Variants in MROH6 observed in about 807,000 individuals in gnomAD.
MROH6 encodes the protein maestro heat like repeat family member 6.
A neutral mutation model predicts 67.7 loss-of-function variants in MROH6; 62 were observed. The observed-to-expected ratio is 0.92, with a 90% CI of 0.75 to 1.13. The LOEUF (loss-of-function observed/expected upper bound fraction) is 1.13. MROH6 is among the 50% of genes most tolerant of loss of function. The pLI is 0.00. For synonymous variants in MROH6, 566 were observed against 470.8 expected (o/e 1.20, Z -2.62); for missense variants, 1,175 against 1,029.1 (o/e 1.14, Z -1.94).
Position 143,568,498 on chromosome 8 carries a change from G to C in MROH6, c.1644+54C>G, listed in dbSNP as rs1823767214. On this transcript the variant is annotated intron_variant, in intron 10 of 13. Coordinates refer to ENST00000398882, the MANE Select transcript of MROH6 (RefSeq NM_001100878.2). Reference sequence around the variant, plus strand: ...TAATTGTCGGAGGGGAGGCACGGTGGGAGTGGTGAGTGTTGGATGGCATAG... The same window carrying C: ...TAATTGTCGGAGGGGAGGCACGGTGCGAGTGGTGAGTGTTGGATGGCATAG... The C allele has an allele frequency of 2.0e-6, 3 of 1,471,444 alleles. No homozygotes were observed. In the East Asian group the frequency reaches 7.4e-5, roughly 36 times the overall value. The allele number at this position is 1,471,444 out of a possible 1,614,324, so 91.1% of individuals were successfully genotyped here. A position where few individuals can be genotyped will look rare whatever the true frequency, so the allele number is the denominator to read the frequency against.
Position 143,572,453 on chromosome 8 carries a change from C to T in MROH6, c.262G>A (p.Ala88Thr). Reference sequence around the variant, plus strand: ...GGCCCCTCAGGGGCTGGTTCCAGGGCACTGTTGAGGGAGCAGGGCTCGCTG... The same window carrying T: ...GGCCCCTCAGGGGCTGGTTCCAGGGTACTGTTGAGGGAGCAGGGCTCGCTG... Reference protein sequence around the residue: ...AGSEPCSLNSALEPAPEGPHQ... With the variant: ...AGSEPCSLNSTLEPAPEGPHQ... The change falls in exon 1 of 14, where the codon GCC (alanine) becomes ACC (threonine). Residue 88 changes from alanine to threonine, a missense_variant. By Grantham distance (58) the Ala-to-Thr change is moderately conservative. Coordinates refer to ENST00000398882, the MANE Select transcript of MROH6 (RefSeq NM_001100878.2). The T allele has an allele frequency of 1.3e-6, 2 of 1,596,350 alleles. No individual in the cohort carries two copies. Among genetic ancestry groups the T allele is most frequent in the South Asian group, 1.1e-5 (1 of 89,618 alleles).
rs531137662 is a variant in MROH6 at position 143,571,142 on chromosome 8, C to G, written c.603-148G>C. The G allele has an allele frequency of 3.3e-4, 208 of 637,302 alleles. No homozygotes were observed. In the African/African-American group the frequency reaches 3.4e-3, roughly 11 times the overall value. The allele number at this position is 637,302 out of a possible 1,614,324, so 39.5% of individuals were successfully genotyped here. A position where few individuals can be genotyped will look rare whatever the true frequency, so the allele number is the denominator to read the frequency against. ...CTCCCATCTCCCCCCATCCCCAAAT[C>G]TCAGAGAAACAAATGAAGGGTTAAT... On this transcript the variant is annotated intron_variant, in intron 3 of 13. Transcript: ENST00000398882.
chr8:143,569,601 C>T lies in MROH6; in HGVS notation c.1316G>A (p.Ser439Asn), dbSNP rs1248008878. 11 of 1,577,600 alleles carry T rather than the reference C, an allele frequency of 7.0e-6. No homozygotes were observed. Among genetic ancestry groups the T allele is most frequent in the African/African-American group, 1.3e-5 (1 of 74,178 alleles). The change falls in exon 9 of 14, where the codon AGC becomes AAC. Residue 439 changes from serine (S) to asparagine (N), a missense_variant. Coordinates refer to ENST00000398882, the MANE Select transcript of MROH6 (RefSeq NM_001100878.2). ...GCCCAGGAGCGCCGGCAGCAGCGTG[C>T]TCACGTGCCGCACCTGCTGGGACTC... The part of the protein sequence containing the change: ...ALNRRKVRHV[S>N]TLLPALLGAL...
In MROH6 at chr8:143,567,375, C is replaced by T. The variant is rs1000560171; in HGVS notation, c.2024G>A (p.Arg675Gln). 1.3e-4 allele frequency: 157 copies of T among 1,235,426 alleles called. No individual in the cohort carries two copies. Among genetic ancestry groups the T allele is most frequent in the Non-Finnish European group, 1.5e-4 (145 of 989,254 alleles). The allele number at this position is 1,235,426 out of a possible 1,614,324, so 76.5% of individuals were successfully genotyped here. A position where few individuals can be genotyped will look rare whatever the true frequency, so the allele number is the denominator to read the frequency against. ...AQQVAMLARA[R>Q]GCPRGPRLLR... ...AAGGCGGGGCCCGCGGGGGCAGCCC[C>T]GGGCACGGGCCAGCATCGCCACCTG... The change falls in exon 14 of 14, where the codon CGG becomes CAG. Residue 675 changes from arginine (R) to glutamine (Q), a missense_variant. By Grantham distance (43) the Arg-to-Gln change is conservative (BLOSUM62 1). Coordinates refer to ENST00000398882, the MANE Select transcript of MROH6 (RefSeq NM_001100878.2).
At chr8:143,571,292 G>T (rs1358616155) in intron 3 of MROH6, among the ~76,000 whole-genome samples, 3 of 152,196 alleles carry the variant, frequency 2.0e-5, no homozygotes, top group African/African-American at 7.2e-5. Context: ...TTGCCACAGA[G>T]AATAAAACCA....
At position 143,571,701 on chromosome 8, in the gene MROH6, A is replaced by G; in HGVS notation, c.568T>C (p.Cys190Arg). 1.3e-6 allele frequency: 2 copies of G among 1,552,208 alleles called. No homozygotes were observed. The highest frequency in any genetic ancestry group is 1.7e-6 in the Non-Finnish European group (2 of 1,148,770). The change falls in exon 3 of 14, where the codon TGT becomes CGT. Residue 190 changes from cysteine (C) to arginine (R), a missense_variant. By Grantham distance (180) the Cys-to-Arg change is radical. Coordinates refer to ENST00000398882, the MANE Select transcript of MROH6 (RefSeq NM_001100878.2). ...LALEHARDVVCALLPRSLPAD... is the reference protein window; with the variant it reads ...LALEHARDVVRALLPRSLPAD... The stretch of plus-strand genomic sequence containing the variant: ...GGCAGAGAGCGGGGTAGCAGCGCAC[A>G]CACCACGTCCCGCGCATGCTCCAGG...
chr8:143,570,824 T>TGGC, intron 4 of MROH6, 53 bp downstream of exon 4: 4 of 1,186,582 alleles, frequency 3.4e-6, no homozygotes, highest in Non-Finnish European at 4.8e-6. Flanking sequence ...TCCCCGCTCC[T>TGGC]CGCCACCCCC....
rs370725780 is a variant in MROH6, at chr8:143,567,815, G to A, written c.1838C>T (p.Pro613Leu). 4 of 1,535,008 alleles carry A rather than the reference G, an allele frequency of 2.6e-6. No individual in the cohort carries two copies. Among genetic ancestry groups the A allele is most frequent in the Non-Finnish European group, 2.6e-6 (3 of 1,140,128 alleles). ...TQGYLRSPQD[P>L]LRRAAAVLIG... ...AAGCACGGCGGCTGCCCGGCGCAGGGGGTCCTGTGGACTCCGCAGGTAGCC... is the reference window on the plus strand; with the variant it reads ...AAGCACGGCGGCTGCCCGGCGCAGGAGGTCCTGTGGACTCCGCAGGTAGCC... The change falls in exon 12 of 14, where the codon CCC becomes CTC. Residue 613 changes from proline to leucine, a missense_variant. Coordinates refer to ENST00000398882, the MANE Select transcript of MROH6 (RefSeq NM_001100878.2).
chr8:143,572,684 C>T lies in MROH6; in HGVS notation c.31G>A (p.Ala11Thr). 1 of 1,522,810 alleles carries T rather than the reference C, an allele frequency of 6.6e-7. No homozygotes were observed. Among genetic ancestry groups the T allele is most frequent in the Non-Finnish European group, 8.8e-7 (1 of 1,138,546 alleles). 94.3% of individuals were successfully genotyped at this position (1,522,810 alleles called of 1,614,324 possible). Reference protein sequence around the residue: MAGGVWGRSRAREAPVGALTL... With the variant: MAGGVWGRSRTREAPVGALTL... ...AGAGCCCCCACGGGAGCCTCCCGGG[C>T]CCGGCTCCGGCCCCACACACCCCCA... Residue 11 changes from alanine to threonine, a missense_variant, in exon 1 of 14, where the codon GCC becomes ACC. Physicochemically the swap from Ala to Thr is moderately conservative, Grantham distance 58. Transcript: ENST00000398882.
chr8:143,571,654 ACGGTTGGGTTACCGAT>A lies in MROH6; in HGVS notation c.599_602+12del. 1 of 1,560,384 alleles carries A rather than the reference ACGGTTGGGTTACCGAT, an allele frequency of 6.4e-7. No individual in the cohort carries two copies. The highest frequency in any genetic ancestry group is 8.7e-7 in the Non-Finnish European group (1 of 1,152,946). On this transcript the variant is annotated splice_donor_variant and splice_donor_5th_base_variant and coding_sequence_variant and intron_variant, in exon 3 of 14. Transcript: ENST00000398882. LOFTEE classifies it high-confidence loss of function. ...GCCGCGTGGGGACCGCAGGGCCAGG[ACGGTTGGGTTACCGAT>A]CGGCGGGCAGAGAGCGGGGTAGCAG...
Position 143,569,712 on chromosome 8 carries a change from C to G in MROH6, c.1287G>C (p.Ala429=), listed in dbSNP as rs1264972841. The change falls in exon 8 of 14, where the codon GCG becomes GCC. Residue 429 remains alanine (A), a synonymous_variant. Coordinates refer to ENST00000398882, the MANE Select transcript of MROH6 (RefSeq NM_001100878.2). ...WLGLLGLGHL[A]LNRRKVRHVS... is the part of the protein sequence containing the mutation. The stretch of plus-strand genomic sequence containing the variant: ...TCTCTCACACCTTCCTGCGATTCAG[C>G]GCGAGGTGGCCCAGGCCCAGCAGGC... 1 of 1,612,946 alleles carries G rather than the reference C, an allele frequency of 6.2e-7. No homozygotes were observed. Among genetic ancestry groups the G allele is most frequent in the Non-Finnish European group, 8.5e-7 (1 of 1,179,554 alleles).
At chr8:143,571,286 C>T (rs939223662) in intron 3 of MROH6, among the ~76,000 whole-genome samples, 1 of 152,162 alleles carries the variant, frequency 6.6e-6, no homozygotes, top group African/African-American at 2.4e-5. Flanking sequence ...AAAAAATTGC[C>T]ACAGAGAATA....
Position 143,568,147 on chromosome 8 carries a change from G to C in MROH6, c.1759C>G (p.Arg587Gly). 6.2e-7 allele frequency: 1 copy of C among 1,606,214 alleles called. No homozygotes were observed. The highest frequency in any genetic ancestry group is 8.5e-7 in the Non-Finnish European group (1 of 1,177,022). Reference sequence around the variant, plus strand: ...ACCTTGCTTCCCCTACTGACCAGGCGGCAGCAGAGGTGGCTCAGGGCCTCG... The same window carrying C: ...ACCTTGCTTCCCCTACTGACCAGGCCGCAGCAGAGGTGGCTCAGGGCCTCG... Reference protein sequence around the residue: ...SPEALSHLCCRLVQRYPGHVP... With the variant: ...SPEALSHLCCGLVQRYPGHVP... Residue 587 changes from arginine (R) to glycine (G), a missense_variant, in exon 11 of 14, where the codon CGC (arginine) becomes GGC (glycine). By Grantham distance (125) the Arg-to-Gly change is moderately radical. Coordinates refer to ENST00000398882, the MANE Select transcript of MROH6 (RefSeq NM_001100878.2).
At chr8:143,570,750 G>C (rs1587022090) in intron 4 of MROH6, 93 bp from the exon 5 acceptor site, 1 of 1,451,174 alleles carries the variant, frequency 6.9e-7, no homozygotes, top group East Asian at 2.5e-5. Context: ...GATGGGGACA[G>C]CCTCAGACAC....
Position 143,572,662 on chromosome 8 carries a change from G to A in MROH6, c.53C>T (p.Ala18Val), listed in dbSNP as rs779849766. Residue 18 changes from alanine (A) to valine (V), a missense_variant, in exon 1 of 14, where the codon GCT (alanine) becomes GTT (valine). Physicochemically the swap from Ala to Val is moderately conservative, Grantham distance 64. Transcript: ENST00000398882. ...RSRAREAPVGALTLTALTEGI... is the reference protein window; with the variant it reads ...RSRAREAPVGVLTLTALTEGI... ...TTCAGTCAGTGCTGTCAGGGTTAGA[G>A]CCCCCACGGGAGCCTCCCGGGCCCG... 3.2e-6 allele frequency: 5 copies of A among 1,551,584 alleles called. No individual in the cohort carries two copies. The highest frequency in any genetic ancestry group is 2.3e-5 in the East Asian group (1 of 42,826).
rs749213530 is a variant in MROH6 at position 143,572,663 on chromosome 8, C to T, written c.52G>A (p.Ala18Thr). ...RSRAREAPVG[A>T]LTLTALTEGI... Reference sequence around the variant, plus strand: ...TCAGTCAGTGCTGTCAGGGTTAGAGCCCCCACGGGAGCCTCCCGGGCCCGG... The same window carrying T: ...TCAGTCAGTGCTGTCAGGGTTAGAGTCCCCACGGGAGCCTCCCGGGCCCGG... Residue 18 changes from alanine to threonine, a missense_variant, in exon 1 of 14, where the codon GCT (alanine) becomes ACT (threonine). Physicochemically the swap from Ala to Thr is moderately conservative, Grantham distance 58 (BLOSUM62 0). Transcript: ENST00000398882. 5 of 1,550,978 alleles carry T rather than the reference C, an allele frequency of 3.2e-6. No individual in the cohort carries two copies. Among genetic ancestry groups the T allele is most frequent in the Admixed American group, 1.8e-5 (1 of 54,132 alleles).
At position 143,567,889 on chromosome 8, in the gene MROH6, C is replaced by T; in HGVS notation, c.1765-1G>A. ...GCACGTGGCCTGGGTATCGCTGAAC[C>T]TGGGGACAAAAGGGCTAGTGGCAGG... On this transcript the variant is annotated splice_acceptor_variant, in intron 11 of 13. Coordinates refer to ENST00000398882, the MANE Select transcript of MROH6 (RefSeq NM_001100878.2). LOFTEE classifies it high-confidence loss of function. 6.6e-7 allele frequency: 1 copy of T among 1,521,534 alleles called. No homozygotes were observed. Among genetic ancestry groups the T allele is most frequent in the Non-Finnish European group, 8.8e-7 (1 of 1,136,328 alleles). The allele number at this position is 1,521,534 out of a possible 1,614,324, so 94.3% of individuals were successfully genotyped here.
rs1283268239 is a variant in MROH6 at position 143,569,319 on chromosome 8, G to A, written c.1476+122C>T. On this transcript the variant is annotated intron_variant, in intron 9 of 13. Coordinates refer to ENST00000398882, the MANE Select transcript of MROH6 (RefSeq NM_001100878.2). ...GAGGGAGAGACTGGAAGGGCGGGGC[G>A]GGGCCTGAGAGGGCGGGGCCTGGGC... is the stretch of plus-strand genomic sequence containing the variant. 4.7e-5 allele frequency: 29 copies of A among 612,978 alleles called. No individual in the cohort carries two copies. The African/African-American group carries it at 6.3e-4, about 13-fold the overall frequency. 38.0% of individuals were successfully genotyped at this position (612,978 alleles called of 1,614,324 possible). A position where few individuals can be genotyped will look rare whatever the true frequency, so the allele number is the denominator to read the frequency against.
At position 143,569,760 on chromosome 8, in the gene MROH6, G is replaced by T; in HGVS notation, c.1239C>A (p.Pro413=). ...LERLLTWQGD[P]EPTVRWLGLL... Reference sequence around the variant, plus strand: ...GGCCCAACCAGCGCACAGTGGGTTCGGGGTCTCCCTGCCAGGTGAGGAGTC... The same window carrying T: ...GGCCCAACCAGCGCACAGTGGGTTCTGGGTCTCCCTGCCAGGTGAGGAGTC... The change falls in exon 8 of 14, where the codon CCC becomes CCA. Residue 413 remains proline (P), a synonymous_variant. Transcript: ENST00000398882. 2 of 1,613,064 alleles carry T rather than the reference G, an allele frequency of 1.2e-6. No homozygotes were observed. The highest frequency in any genetic ancestry group is 2.2e-5 in the South Asian group (2 of 91,076).
Sources: gnomAD v4.1 joint callset for allele counts (sites outside exome capture counted in the v4.1 genomes callset) on GRCh38, gnomAD v4.1.1 for gene constraint, MANE v1.5 for transcripts, NCBI Gene and HGNC (gene_info 2026-07-23, HGNC 2026-07-21) for gene names.